PHACTR3: variants seen among roughly 807,000 people sequenced by gnomAD.
PHACTR3 encodes the protein protein phosphatase 1, regulatory subunit 123.
In PHACTR3, 16 loss-of-function variants were observed where a neutral mutation model predicts 66.8. The ratio of observed to expected loss-of-function variants is 0.24; its 90% confidence interval spans 0.16 to 0.36. PHACTR3 has a LOEUF of 0.36. Ranked by LOEUF, PHACTR3 falls within the 10% of genes least tolerant of loss-of-function variation. The pLI is 1.00. For missense variants in PHACTR3, 647 were observed against 719.9 expected, an observed-to-expected ratio of 0.90 and a Z score of 1.16; for synonymous variants, 323 against 292.1, an observed-to-expected ratio of 1.11 and a Z score of -1.08.
intron 1 of PHACTR3, among the ~76,000 whole-genome samples, chr20:59,610,990 C>A (rs6123919): frequency 0.11 from 17,497 of 152,264 alleles, 1,392 homozygotes; most frequent in East Asian, 0.32. Flanking sequence ...TTTCCCAGAG[C>A]ACCTGCAATG....
At chr20:59,607,779 C>T (rs148273316) in intron 1 of PHACTR3, among the ~76,000 whole-genome samples, 18 of 152,190 alleles carry the variant, frequency 1.2e-4, no homozygotes, top group African/African-American at 3.4e-4. Flanking sequence ...GATCTTGCCT[C>T]ATTGCAATAT....
intron 5 of PHACTR3, among the ~76,000 whole-genome samples, chr20:59,769,366 T>C (rs1478137808): frequency 6.6e-6 from 1 of 152,174 alleles, no homozygotes; most frequent in Non-Finnish European, 1.5e-5. Flanking sequence ...AGGCCCTGAA[T>C]CCAATGACAG....
chr20:59,714,662 T>G (rs1770064865), intron 1 of PHACTR3, among the ~76,000 whole-genome samples: 1 of 152,240 alleles, frequency 6.6e-6, no homozygotes, highest in Admixed American at 6.5e-5. Context: ...TTAGTCATTC[T>G]TGGTTCTAGA....
At chr20:59,685,764 GC>G (rs1208105263) in intron 1 of PHACTR3, among the ~76,000 whole-genome samples, 6 of 152,318 alleles carry the variant, frequency 3.9e-5, no homozygotes, top group African/African-American at 1.4e-4. Context: ...GCTGAGAGCA[GC>G]CCTCTCTGAC....
rs960673482 is a variant in PHACTR3 at position 59,604,787 on chromosome 20, G to C, written c.-228G>C. The C allele has an allele frequency of 8.3e-7, 1 of 1,201,906 alleles. No individual in the cohort carries two copies. The allele number at this position is 1,201,906 out of a possible 1,614,324, so 74.5% of individuals were successfully genotyped here. A position where few individuals can be genotyped will look rare whatever the true frequency, so the allele number is the denominator to read the frequency against. ...TAACAAAGCGAGGCCGCGCACGCCG[G>C]GATGCGCCTGGCTGCAGCCGGCGAG... On this transcript the variant is annotated 5_prime_UTR_variant, in exon 1 of 13. Transcript: ENST00000371015.
chr20:59,844,615 G>A (rs1255562946), intron 11 of PHACTR3: 1 of 152,132 alleles, frequency 6.6e-6, no homozygotes, highest in Non-Finnish European at 1.5e-5. Context: ...TCTCACTCAT[G>A]TGGGATCAAA....
chr20:59,845,128 G>A lies in PHACTR3; in HGVS notation c.1588-61G>A, dbSNP rs367583477. 1.2e-3 allele frequency: 1,202 copies of A among 1,032,912 alleles called. 1 individual carries two copies. Among genetic ancestry groups the A allele is most frequent in the Non-Finnish European group, 1.6e-3 (1,096 of 670,498 alleles). The allele number at this position is 1,032,912 out of a possible 1,614,324, so 64.0% of individuals were successfully genotyped here. A position where few individuals can be genotyped will look rare whatever the true frequency, so the allele number is the denominator to read the frequency against. ...TTAGGAATGGTTAATTTATAAACAC[G>A]ATGCTAATTTCCTGATTTTTTTAAT... On this transcript the variant is annotated intron_variant, in intron 11 of 12. Coordinates refer to ENST00000371015, the MANE Select transcript of PHACTR3 (RefSeq NM_080672.5).
At chr20:59,648,772 G>A (rs1186556265) in intron 1 of PHACTR3, among the ~76,000 whole-genome samples, 1 of 152,186 alleles carries the variant, frequency 6.6e-6, no homozygotes. Context: ...TGATGGATTG[G>A]GTTGATGTGA....
chr20:59,803,063 G>A (rs1460776122), intron 7 of PHACTR3, among the ~76,000 whole-genome samples: 1 of 152,160 alleles, frequency 6.6e-6, no homozygotes, highest in Non-Finnish European at 1.5e-5. Flanking sequence ...CACAAGATGG[G>A]TCAAATGATG....
intron 4 of PHACTR3, among the ~76,000 whole-genome samples, chr20:59,763,350 T>C (rs77359856): frequency 0.022 from 3,395 of 152,340 alleles, 57 homozygotes; most frequent in Non-Finnish European, 0.035. Flanking sequence ...TACTCAGTCT[T>C]GGGCAGTTAT....
At chr20:59,659,914 C>A (rs2146473301) in intron 1 of PHACTR3, among the ~76,000 whole-genome samples, 1 of 152,324 alleles carries the variant, frequency 6.6e-6, no homozygotes, top group East Asian at 1.9e-4. Context: ...CACTGGAGTG[C>A]TCCCTCTGCC....
intron 5 of PHACTR3, among the ~76,000 whole-genome samples, chr20:59,768,901 G>A (rs1338118407): frequency 1.3e-5 from 2 of 152,264 alleles, no homozygotes; most frequent in Non-Finnish European, 2.9e-5. Context: ...CTTTAGCTGG[G>A]ACTGCAGATG....
chr20:59,584,298 CTGTGTGTGACTG>C (rs1400866429), intron 1 of PHACTR3, among the ~76,000 whole-genome samples: 6 of 150,198 alleles, frequency 4.0e-5, no homozygotes, highest in African/African-American at 1.5e-4. Context: ...GTGTACGTGC[CTGTGTGTGACTG>C]TGTGTGTGAG....
In PHACTR3 at chr20:59,622,989, A is replaced by AAAAAAAACAAAAAAAAC. The variant is rs2034305434; in HGVS notation, c.118+17864_118+17865insCAAAAAAAACAAAAAAA. Among the ~76,000 whole-genome samples, 4 of 141,392 alleles carry AAAAAAAACAAAAAAAAC rather than the reference A, an allele frequency of 2.8e-5. 1 individual carries two copies. The South Asian group carries it at 9.1e-4, about 32-fold the overall frequency. The allele number at this position is 141,392 out of a possible 152,430, so 92.8% of individuals were successfully genotyped here. On this transcript the variant is annotated intron_variant, in intron 1 of 12. Coordinates refer to ENST00000371015, the MANE Select transcript of PHACTR3 (RefSeq NM_080672.5). ...TTTACAGCAGCTTTAACCAAAAAAA[A>AAAAAAAACAAAAAAAAC]AAAAAAAAAAAACCCAAATCTTCAG...
intron 4 of PHACTR3, among the ~76,000 whole-genome samples, chr20:59,759,476 CAG>C (rs1480061384): frequency 1.3e-5 from 2 of 152,314 alleles, no homozygotes; most frequent in African/African-American, 4.8e-5. Context: ...TGGAGCTGAA[CAG>C]AGTCTGTCCC....
intron 1 of PHACTR3, among the ~76,000 whole-genome samples, chr20:59,708,601 C>T (rs1047059676): frequency 6.6e-6 from 1 of 152,162 alleles, no homozygotes; most frequent in Non-Finnish European, 1.5e-5. Context: ...TTTCGGTTGC[C>T]CTGCTGGTCC....
intron 7 of PHACTR3, among the ~76,000 whole-genome samples, chr20:59,791,789 A>G (rs1194040779): frequency 7.6e-6 from 1 of 131,146 alleles, no homozygotes; most frequent in African/African-American, 2.9e-5. Context: ...TCCTGTGTCC[A>G]TGTGTTCTCA....
At chr20:59,751,088 T>G (rs1374854068) in intron 3 of PHACTR3, among the ~76,000 whole-genome samples, 1 of 152,220 alleles carries the variant, frequency 6.6e-6, no homozygotes, top group Non-Finnish European at 1.5e-5. Flanking sequence ...GGATCAGGCT[T>G]GAGGGCTGTT....
chr20:59,845,986 T>C (rs1352228885), intron 12 of PHACTR3, among the ~76,000 whole-genome samples: 2 of 152,132 alleles, frequency 1.3e-5, no homozygotes, highest in Non-Finnish European at 2.9e-5. Context: ...TTTCAGTATT[T>C]CCCCCCACTT....
Sources: gnomAD v4.1 joint callset for allele counts (sites outside exome capture counted in the v4.1 genomes callset) on GRCh38, gnomAD v4.1.1 for gene constraint, MANE v1.5 for transcripts, NCBI Gene and HGNC (gene_info 2026-07-23, HGNC 2026-07-21) for gene names.